Variants in NPTN observed in about 807,000 individuals in gnomAD.
NPTN encodes the protein neuroplastin, also known as SDR-1.
A neutral mutation model predicts 42.7 loss-of-function variants in NPTN; 5 were observed. The observed-to-expected ratio is 0.12, with a 90% CI of 0.06 to 0.25. The LOEUF is 0.25. NPTN is among the 10% of genes least tolerant of loss of function. The probability of loss-of-function intolerance (pLI) is 1.00; values close to 1 mark genes in which losing one functional copy is unlikely to be tolerated. For missense variants in NPTN, 307 were observed against 525.4 expected (o/e 0.58, Z 4.06); for synonymous variants, 180 against 201.9 (o/e 0.89, Z 0.92).
intron 4 of NPTN, among the ~76,000 whole-genome samples, chr15:73,582,661 G>A (rs887936150): frequency 2.0e-5 from 3 of 152,120 alleles, no homozygotes; most frequent in African/African-American, 7.2e-5. Flanking sequence ...TCAAAATTGA[G>A]AACCACTGTT....
chr15:73,580,412 TATATATATAATATATATATA>T (rs1178547090), intron 4 of NPTN, among the ~76,000 whole-genome samples: 2 of 98,954 alleles, frequency 2.0e-5, no homozygotes, highest in African/African-American at 4.4e-5. Flanking sequence ...ATATATATAA[TATATATATAATATATATATA>T]ATATATATAA....
At chr15:73,606,799 G>A (rs573118915) in intron 1 of NPTN, among the ~76,000 whole-genome samples, 8 of 152,226 alleles carry the variant, frequency 5.3e-5, no homozygotes, top group Non-Finnish European at 8.8e-5. Context: ...ACTTCAATTC[G>A]ACAAAGATTC....
intron 1 of NPTN, among the ~76,000 whole-genome samples, chr15:73,621,796 A>G (rs370273233): frequency 7.9e-5 from 12 of 152,352 alleles, no homozygotes; most frequent in African/African-American, 2.9e-4. Flanking sequence ...TATTTCAAAT[A>G]AATATGGGTA....
chr15:73,568,436 T>C, intron 6 of NPTN: 1 of 985,340 alleles, frequency 1.0e-6, no homozygotes, highest in Non-Finnish European at 1.2e-6. Context: ...TCTGGGGGGA[T>C]AAAAAGGCCC....
At chr15:73,594,855 A>G (rs1158464429) in intron 2 of NPTN, among the ~76,000 whole-genome samples, 1 of 151,952 alleles carries the variant, frequency 6.6e-6, no homozygotes, top group East Asian at 1.9e-4. Flanking sequence ...CCAGGAGGTC[A>G]TTCTTAGATA....
chr15:73,587,734 C>A, intron 3 of NPTN, 116 bp from the exon 4 acceptor site: 1 of 712,774 alleles, frequency 1.4e-6, no homozygotes, highest in South Asian at 1.7e-5. Context: ...TAATGCAACT[C>A]ACCTCCTTCT....
chr15:73,575,752 G>GAATGTGCTTCCC (rs1189386641), intron 4 of NPTN, among the ~76,000 whole-genome samples: 2 of 152,192 alleles, frequency 1.3e-5, no homozygotes, highest in Non-Finnish European at 2.9e-5. Context: ...ACTAGTCACA[G>GAATGTGCTTCCC]AATGTGCTTC....
chr15:73,567,000 GGCTTT>G (rs1001728210), intron 6 of NPTN: 3 of 880,186 alleles, frequency 3.4e-6, no homozygotes, highest in East Asian at 1.6e-4. Context: ...AAAGACATGG[GGCTTT>G]TTTTTTTTTT....
At chr15:73,607,446 G>A (rs566579347) in intron 1 of NPTN, among the ~76,000 whole-genome samples, 26 of 151,982 alleles carry the variant, frequency 1.7e-4, no homozygotes, top group African/African-American at 2.4e-4. Context: ...ATCATATATC[G>A]CATGAATATG....
At chr15:73,574,953 A>G (rs1434141091) in intron 4 of NPTN, among the ~76,000 whole-genome samples, 1 of 152,244 alleles carries the variant, frequency 6.6e-6, no homozygotes, top group African/African-American at 2.4e-5. Flanking sequence ...TTATTTTATC[A>G]TAACTATATT....
At position 73,593,401 on chromosome 15, in the gene NPTN, CTGTT is replaced by C. The variant is rs561370526; in HGVS notation, c.440-1268_440-1265del. On this transcript the variant is annotated intron_variant, in intron 2 of 8. Coordinates refer to ENST00000345330, the MANE Select transcript of NPTN (RefSeq NM_012428.4). ...TCCCAACCACAATAAGAGGTATTTG[CTGTT>C]TGTTTGTTTTCCAATTCTCTCTCAG... Among the ~76,000 whole-genome samples, 388 of 152,142 alleles carry C rather than the reference CTGTT, an allele frequency of 2.6e-3. 1 individual carries two copies. Among genetic ancestry groups the C allele is most frequent in the Non-Finnish European group, 4.1e-3 (276 of 68,024 alleles).
intron 2 of NPTN, among the ~76,000 whole-genome samples, chr15:73,592,743 CA>C (rs1896652714): frequency 6.6e-6 from 1 of 152,180 alleles, no homozygotes; most frequent in South Asian, 2.1e-4. Context: ...CTTGAGAAAG[CA>C]TCATCAGTTC....
Position 73,618,915 on chromosome 15 carries a change from C to T in NPTN, c.91+14210G>A, listed in dbSNP as rs568544432. 1.2e-4 allele frequency among the ~76,000 whole-genome samples: 18 copies of T among 151,794 alleles called. No individual in the cohort carries two copies. In the South Asian group the frequency reaches 1.9e-3, roughly 16 times the overall value. On this transcript the variant is annotated intron_variant, in intron 1 of 8. Transcript: ENST00000345330. ...CAAAAAAGTTTTTTAAAAAATTAGCCGGGTGTGGTGGTGCACACCTGTAAT... is the reference window on the plus strand; with the variant it reads ...CAAAAAAGTTTTTTAAAAAATTAGCTGGGTGTGGTGGTGCACACCTGTAAT...
At chr15:73,568,226 ACTT>A (rs930428685) in intron 6 of NPTN, 1 of 985,396 alleles carries the variant, frequency 1.0e-6, no homozygotes, top group Non-Finnish European at 1.2e-6. Flanking sequence ...AAGCGCGGTG[ACTT>A]CTTAGGGCAA....
rs568052635 is a variant in NPTN at position 73,616,338 on chromosome 15, G to A, written c.91+16787C>T. ...TAAAGATTCTTTGGAACACTTATGG[G>A]ACTCCCTCTACCCCTCAAACAGCTC... On this transcript the variant is annotated intron_variant, in intron 1 of 8. Coordinates refer to ENST00000345330, the MANE Select transcript of NPTN (RefSeq NM_012428.4). Among the ~76,000 whole-genome samples the A allele has an allele frequency of 3.3e-5, 5 of 152,138 alleles. No homozygotes were observed. The East Asian group carries it at 9.7e-4, about 29-fold the overall frequency.
At chr15:73,591,690 T>C (rs1896593125) in intron 3 of NPTN, 1 of 249,302 alleles carries the variant, frequency 4.0e-6, no homozygotes, top group Admixed American at 5.2e-5. Context: ...TTGACTAACA[T>C]TGTTACCCTG....
At chr15:73,628,934 T>C (rs1258423317) in intron 1 of NPTN, among the ~76,000 whole-genome samples, 1 of 152,202 alleles carries the variant, frequency 6.6e-6, no homozygotes, top group African/African-American at 2.4e-5. Context: ...TAAGGATCTG[T>C]ATTAATCAAG....
In NPTN at chr15:73,574,489, C is replaced by A. The variant is rs1346830533; in HGVS notation, c.707-694G>T. Among the ~76,000 whole-genome samples, 3 of 152,186 alleles carry A rather than the reference C, an allele frequency of 2.0e-5. No homozygotes were observed. In the East Asian group the frequency reaches 5.8e-4, roughly 29 times the overall value. ...AGGCTGGAGCATAGTGGCATGATCG[C>A]TGCTCACTGTAGCCTCAAGCTCCTG... On this transcript the variant is annotated intron_variant, in intron 4 of 8. Coordinates refer to ENST00000345330, the MANE Select transcript of NPTN (RefSeq NM_012428.4).
At position 73,569,354 on chromosome 15, in the gene NPTN, A is replaced by C; in HGVS notation, c.1114+796T>G. 1 of 985,516 alleles carries C rather than the reference A, an allele frequency of 1.0e-6. No homozygotes were observed. The highest frequency in any genetic ancestry group is 1.7e-5 in the African/African-American group (1 of 57,368). 61.0% of individuals were successfully genotyped at this position (985,516 alleles called of 1,614,324 possible). A position where few individuals can be genotyped will look rare whatever the true frequency, so the allele number is the denominator to read the frequency against. On this transcript the variant is annotated intron_variant, in intron 6 of 8. Transcript: ENST00000345330. The surrounding 1 kb of genome is among the most constrained non-coding windows in gnomAD (Gnocchi z 4.1). ...GACTCTAGGCATATCCAATAACCTA[A>C]GATTTCAGCTCTTGCTCTTTCCAGT...
Sources: gnomAD v4.1 joint callset for allele counts (sites outside exome capture counted in the v4.1 genomes callset) on GRCh38, gnomAD v4.1.1 for gene constraint, Gnocchi (gnomAD v3.1) non-coding constraint, MANE v1.5 for transcripts, NCBI Gene and HGNC (gene_info 2026-07-23, HGNC 2026-07-21) for gene names.